MINDY2: variants seen among roughly 807,000 people sequenced by gnomAD.
MINDY2 encodes the protein MINDY lysine 48 deubiquitinase 2.
In MINDY2, 52 loss-of-function variants were observed where a neutral mutation model predicts 68.2. That is an observed-to-expected ratio of 0.76 (90% CI 0.61 to 0.96). The LOEUF (loss-of-function observed/expected upper bound fraction) is 0.96, where lower values mean the gene tolerates loss of function less well. MINDY2 is among the 40% of genes least tolerant of loss of function. The probability of loss-of-function intolerance (pLI) is 0.00; values close to 1 mark genes in which losing one functional copy is unlikely to be tolerated. For synonymous variants in MINDY2, 372 were observed against 303.0 expected, an observed-to-expected ratio of 1.23 and a Z score of -2.36; for missense variants, 881 against 773.4, an observed-to-expected ratio of 1.14 and a Z score of -1.65.
At chr15:58,821,037 A>T (rs1445020509) in intron 4 of MINDY2, among the ~76,000 whole-genome samples, 1 of 151,534 alleles carries the variant, frequency 6.6e-6, no homozygotes, top group Non-Finnish European at 1.5e-5. Context: ...GTCAAAGCAA[A>T]GTGTAATGGA....
intron 5 of MINDY2, among the ~76,000 whole-genome samples, chr15:58,827,349 T>G (rs1335432693): frequency 1.3e-5 from 2 of 152,198 alleles, no homozygotes; most frequent in Non-Finnish European, 2.9e-5. Context: ...GTGGTTATAA[T>G]TTCTGTTATT....
At chr15:58,791,622 A>ATG (rs368688031) in intron 2 of MINDY2, among the ~76,000 whole-genome samples, 21,653 of 136,288 alleles carry the variant, frequency 0.16, 1,712 homozygotes, top group Middle Eastern at 0.21. Context: ...GTCTCAAAAT[A>ATG]TGTGTGTGTG....
At chr15:58,831,089 G>T (rs190937813) in intron 5 of MINDY2, among the ~76,000 whole-genome samples, 4 of 145,694 alleles carry the variant, frequency 2.7e-5, no homozygotes, top group African/African-American at 1.0e-4. Context: ...GATCACTTCT[G>T]TATATTTTAT....
intron 2 of MINDY2, chr15:58,796,081 T>TG (rs1396908450): frequency 2.2e-6 from 1 of 455,576 alleles, no homozygotes; most frequent in Non-Finnish European, 4.4e-6. Flanking sequence ...AGTGGTGAGT[T>TG]GAAGAGTATC....
At chr15:58,808,213 A>G (rs781150334) in intron 3 of MINDY2, among the ~76,000 whole-genome samples, 68 of 152,332 alleles carry the variant, frequency 4.5e-4, no homozygotes, top group Non-Finnish European at 2.4e-4. Flanking sequence ...TAAACTGGCA[A>G]TGCCACATCA....
intron 2 of MINDY2, among the ~76,000 whole-genome samples, chr15:58,794,932 A>G (rs1203347455): frequency 2.0e-5 from 3 of 152,036 alleles, no homozygotes; most frequent in African/African-American, 7.2e-5. Context: ...TCACGGCTGT[A>G]ATCTCAGTAC....
rs2033131106 is a variant in MINDY2 at position 58,858,599 on chromosome 15, G to C, written c.*3989G>C. 1 of 152,102 alleles carries C rather than the reference G, an allele frequency of 6.6e-6. No individual in the cohort carries two copies. The highest frequency in any genetic ancestry group is 2.4e-5 in the African/African-American group (1 of 41,436). 9.4% of individuals were successfully genotyped at this position (152,102 alleles called of 1,614,324 possible). A position where few individuals can be genotyped will look rare whatever the true frequency, so the allele number is the denominator to read the frequency against. ...AGAAAAATCAAGGCAAGAATTTCCAGAACTGTCCTCAAATAGCTCATTTAT... is the reference window on the plus strand; with the variant it reads ...AGAAAAATCAAGGCAAGAATTTCCACAACTGTCCTCAAATAGCTCATTTAT... On this transcript the variant is annotated 3_prime_UTR_variant, in exon 9 of 9. Coordinates refer to ENST00000559228, the MANE Select transcript of MINDY2 (RefSeq NM_001040450.3).
intron 3 of MINDY2, among the ~76,000 whole-genome samples, chr15:58,804,665 G>A (rs1902897922): frequency 6.6e-6 from 1 of 152,136 alleles, no homozygotes; most frequent in Non-Finnish European, 1.5e-5. Context: ...ACGTTTGCCA[G>A]GCATGGTGGC....
Position 58,856,961 on chromosome 15 carries a change from AG to A in MINDY2, c.*2353del, listed in dbSNP as rs1271051644. On this transcript the variant is annotated 3_prime_UTR_variant, in exon 9 of 9. Transcript: ENST00000559228. ...GCTGCCATACTGCATTCCCTCTGGA[AG>A]GAAACAAAACAAAACAAAACTCACT... The A allele has an allele frequency of 6.6e-6, 1 of 152,232 alleles. No individual in the cohort carries two copies. Among genetic ancestry groups the A allele is most frequent in the Non-Finnish European group, 1.5e-5 (1 of 68,048 alleles). The allele number at this position is 152,232 out of a possible 1,614,324, so 9.4% of individuals were successfully genotyped here.
rs1595770906 is a variant in MINDY2 at position 58,839,368 on chromosome 15, G to T, written c.1368+7452G>T. Among the ~76,000 whole-genome samples, 8 of 150,200 alleles carry T rather than the reference G, an allele frequency of 5.3e-5. No individual in the cohort carries two copies. The Admixed American group carries it at 5.3e-4, about 10-fold the overall frequency. ...TTTTTTTGAGATGAAGTCTCATTCT[G>T]TTGTCCAGGCTGGAGTGCAGTGGCA... On this transcript the variant is annotated intron_variant, in intron 6 of 8. Transcript: ENST00000559228.
chr15:58,802,275 T>C (rs1278584023), intron 2 of MINDY2, 38 bp from the exon 3 acceptor site: 6 of 1,430,986 alleles, frequency 4.2e-6, no homozygotes, highest in Non-Finnish European at 5.8e-6. Context: ...AACAAGTTTT[T>C]AAAAGGCAAT....
chr15:58,851,269 T>G (rs950062020), intron 7 of MINDY2, among the ~76,000 whole-genome samples: 13 of 152,138 alleles, frequency 8.5e-5, no homozygotes, highest in African/African-American at 2.4e-5. Context: ...CCACCGCACC[T>G]GGCCTCCAAA....
intron 2 of MINDY2, among the ~76,000 whole-genome samples, chr15:58,791,797 A>G (rs1188178840): frequency 6.6e-6 from 1 of 152,066 alleles, no homozygotes. Flanking sequence ...ATATTTACAG[A>G]CAACATATAT....
chr15:58,818,494 C>T (rs770637235), intron 4 of MINDY2, among the ~76,000 whole-genome samples: 12 of 152,088 alleles, frequency 7.9e-5, no homozygotes, highest in Non-Finnish European at 1.5e-4. Flanking sequence ...GGACTGAAGC[C>T]GTCCTCCCCT....
rs367795500 is a variant in MINDY2 at position 58,852,003 on chromosome 15, A to G, written c.1737+38A>G. 1.2e-5 allele frequency: 17 copies of G among 1,476,012 alleles called. No individual in the cohort carries two copies. The African/African-American group carries it at 2.3e-4, about 20-fold the overall frequency. 91.4% of individuals were successfully genotyped at this position (1,476,012 alleles called of 1,614,324 possible). A position where few individuals can be genotyped will look rare whatever the true frequency, so the allele number is the denominator to read the frequency against. On this transcript the variant is annotated intron_variant, in intron 8 of 8. Transcript: ENST00000559228. ...GTTTTGAGTCTTAAATGTGATGATC[A>G]TGGCTGGGTGTAGTGGCTCACACCT...
chr15:58,805,760 T>C (rs527552311), intron 3 of MINDY2, among the ~76,000 whole-genome samples: 1 of 142,636 alleles, frequency 7.0e-6, no homozygotes, highest in East Asian at 2.8e-4. Context: ...TTGTTTGGTT[T>C]ATCAGTTGTT....
At chr15:58,795,292 G>C (rs1481110119) in intron 2 of MINDY2, among the ~76,000 whole-genome samples, 2 of 152,232 alleles carry the variant, frequency 1.3e-5, no homozygotes, top group Admixed American at 1.3e-4. Context: ...AGGTGGAGCA[G>C]TGTTTCAACT....
intron 1 of MINDY2, among the ~76,000 whole-genome samples, chr15:58,782,537 A>T (rs1230837848): frequency 6.6e-6 from 1 of 152,152 alleles, no homozygotes; most frequent in African/African-American, 2.4e-5. Context: ...TAATTTTCAG[A>T]GTTTCCTGAG....
At chr15:58,790,314 A>G (rs955613066) in intron 2 of MINDY2, among the ~76,000 whole-genome samples, 5 of 152,012 alleles carry the variant, frequency 3.3e-5, no homozygotes, top group Non-Finnish European at 5.9e-5. Context: ...GTGATTCCTA[A>G]GTTATATTTT....
Sources: allele counts gnomAD v4.1 joint callset (sites outside exome capture counted in the v4.1 genomes callset), GRCh38; gene constraint gnomAD v4.1.1; transcripts MANE v1.5; gene names NCBI Gene and HGNC (gene_info 2026-07-23, HGNC 2026-07-21).